MECOM: variants seen among roughly 807,000 people sequenced by gnomAD.
MECOM encodes the protein histone-lysine N-methyltransferase MECOM.
A neutral mutation model predicts 116.3 loss-of-function variants in MECOM; 13 were observed. The observed-to-expected ratio is 0.11, with a 90% CI of 0.07 to 0.18. The LOEUF (loss-of-function observed/expected upper bound fraction) is 0.18. MECOM is among the 10% of genes least tolerant of loss of function. MECOM has a pLI of 1.00. For missense variants in MECOM, 1,299 were observed against 1,509.0 expected (o/e 0.86, Z 2.31); for synonymous variants, 528 against 535.2 (o/e 0.99, Z 0.19).
chr3:169,135,646 C>T (rs774306629), intron 3 of MECOM, among the ~76,000 whole-genome samples: 3 of 152,002 alleles, frequency 2.0e-5, no homozygotes, highest in African/African-American at 4.8e-5. Context: ...AACTCCCATA[C>T]ATCTGAAACT....
intron 2 of MECOM, among the ~76,000 whole-genome samples, chr3:169,339,102 C>G (rs368657549): frequency 6.6e-6 from 1 of 152,060 alleles, no homozygotes; most frequent in South Asian, 2.1e-4. Context: ...TAATGTAGGT[C>G]GTTAGCATCT....
At chr3:169,296,715 A>G (rs1275791311) in intron 2 of MECOM, among the ~76,000 whole-genome samples, 1 of 152,204 alleles carries the variant, frequency 6.6e-6, no homozygotes, top group African/African-American at 2.4e-5. Flanking sequence ...ACAGGAATAG[A>G]CTTGGCACTT....
intron 2 of MECOM, among the ~76,000 whole-genome samples, chr3:169,217,548 G>T (rs1472557794): frequency 6.6e-6 from 1 of 152,088 alleles, no homozygotes; most frequent in Non-Finnish European, 1.5e-5. Context: ...ACTTTGGGAG[G>T]CCAAGGCGGG....
intron 1 of MECOM, among the ~76,000 whole-genome samples, chr3:169,507,449 C>T (rs1755375839): frequency 6.6e-6 from 1 of 152,086 alleles, no homozygotes; most frequent in Admixed American, 6.5e-5. Flanking sequence ...ATACAGCCGT[C>T]CCTCTTAGTA....
chr3:169,484,580 C>T lies in MECOM; in HGVS notation c.38-103056G>A, dbSNP rs181832501. Among the ~76,000 whole-genome samples, 14 of 152,194 alleles carry T rather than the reference C, an allele frequency of 9.2e-5. No individual in the cohort carries two copies. The East Asian group carries it at 2.7e-3, about 29-fold the overall frequency. On this transcript the variant is annotated intron_variant, in intron 1 of 16. Transcript: ENST00000651503. Reference sequence around the variant, plus strand: ...AATTAGCTATTAACTTATATAAACACCTCAAAGAAATTTTAAAGAAAATTT... The same window carrying T: ...AATTAGCTATTAACTTATATAAACATCTCAAAGAAATTTTAAAGAAAATTT...
rs557613767 is a variant in MECOM, at chr3:169,108,120, C to T, written c.2578-168G>A. ...AAATAAAAATTAAATATTGTTATAA[C>T]TCTGTTGAATTTCCTCTGTTTACCT... On this transcript the variant is annotated intron_variant, in intron 9 of 16. Coordinates refer to ENST00000651503, the MANE Select transcript of MECOM (RefSeq NM_004991.4). 2.0e-5 allele frequency among the ~76,000 whole-genome samples: 3 copies of T among 152,222 alleles called. No individual in the cohort carries two copies. In the South Asian group the frequency reaches 6.2e-4, roughly 32 times the overall value.
At position 169,102,185 on chromosome 3, in the gene MECOM, G is replaced by T; in HGVS notation, c.2646C>A (p.Phe882Leu). The T allele has an allele frequency of 1.9e-6, 3 of 1,613,850 alleles. No individual in the cohort carries two copies. Among genetic ancestry groups the T allele is most frequent in the Non-Finnish European group, 2.5e-6 (3 of 1,179,834 alleles). Residue 882 changes from phenylalanine (F) to leucine (L), a missense_variant, in exon 11 of 17, where the codon TTC becomes TTA. By Grantham distance (22) the Phe-to-Leu change is conservative. Transcript: ENST00000651503. ...CACTGGCCTCAGGTTTCAGGGCACTGAAGCTCTCTAGCTTTTCTGCCATGT... is the reference window on the plus strand; with the variant it reads ...CACTGGCCTCAGGTTTCAGGGCACTTAAGCTCTCTAGCTTTTCTGCCATGT... ...IENMAEKLES[F>L]SALKPEASEL... is the part of the protein sequence containing the mutation.
intron 2 of MECOM, among the ~76,000 whole-genome samples, chr3:169,298,082 A>C (rs1453189172): frequency 6.6e-6 from 1 of 152,218 alleles, no homozygotes; most frequent in Non-Finnish European, 1.5e-5. Context: ...CTGAACAAAC[A>C]CATTTCTTTT....
At chr3:169,413,490 A>T (rs73172088) in intron 1 of MECOM, among the ~76,000 whole-genome samples, 16,935 of 133,714 alleles carry the variant, frequency 0.13, 1,262 homozygotes, top group East Asian at 0.36. Context: ...TTTTTTTTTT[A>T]TTTTTTTTTT....
chr3:169,185,210 A>G (rs1025808200), intron 2 of MECOM, among the ~76,000 whole-genome samples: 9 of 152,160 alleles, frequency 5.9e-5, no homozygotes, highest in African/African-American at 2.2e-4. Flanking sequence ...GACCCAGGAG[A>G]ATCAAGGACA....
chr3:169,528,107 G>C (rs539401859), intron 1 of MECOM, among the ~76,000 whole-genome samples: 1 of 152,258 alleles, frequency 6.6e-6, no homozygotes, highest in East Asian at 1.9e-4. Context: ...TCTATTTTCT[G>C]AGCCAAACCC....
intron 1 of MECOM, among the ~76,000 whole-genome samples, chr3:169,522,777 A>C (rs1291499256): frequency 6.6e-6 from 1 of 152,266 alleles, no homozygotes; most frequent in East Asian, 1.9e-4. Flanking sequence ...GTAGATAATC[A>C]ATCTTCTGAT....
chr3:169,628,056 C>T (rs1393632631), intron 1 of MECOM, among the ~76,000 whole-genome samples: 1 of 152,144 alleles, frequency 6.6e-6, no homozygotes, highest in South Asian at 2.1e-4. Context: ...AAGAGCACCC[C>T]CAGAGAGAAC....
At chr3:169,552,660 T>G (rs1761552865) in intron 1 of MECOM, among the ~76,000 whole-genome samples, 1 of 152,032 alleles carries the variant, frequency 6.6e-6, no homozygotes, top group South Asian at 2.1e-4. Flanking sequence ...TAACCACCAT[T>G]CAATCCACCT....
chr3:169,116,005 C>T lies in MECOM; in HGVS notation c.1867G>A (p.Val623Ile). 6.2e-7 allele frequency: 1 copy of T among 1,614,112 alleles called. No individual in the cohort carries two copies. Among genetic ancestry groups the T allele is most frequent in the South Asian group, 1.1e-5 (1 of 91,078 alleles). ...KENGKMFKDK[V>I]SPLQNLASIN... ...GAAGCCAGATTCTGAAGAGGGCTTA[C>T]TTTGTCTTTGAACATTTTACCATTT... The change falls in exon 8 of 17, where the codon GTA (valine) becomes ATA (isoleucine). Residue 623 changes from valine to isoleucine, a missense_variant. Val to Ile is a conservative substitution (Grantham distance 29). Around this residue, in one of 6 missense-constraint regions of MECOM, gnomAD observed 238 missense variants for 273.1 expected, o/e 0.87. Coordinates refer to ENST00000651503, the MANE Select transcript of MECOM (RefSeq NM_004991.4).
chr3:169,115,547 T>C lies in MECOM; in HGVS notation c.2325A>G (p.Leu775=). The C allele has an allele frequency of 6.2e-7, 1 of 1,614,144 alleles. No individual in the cohort carries two copies. The highest frequency in any genetic ancestry group is 2.2e-5 in the East Asian group (1 of 44,884). The change falls in exon 8 of 17, where the codon CTA becomes CTG. Residue 775 remains leucine, a synonymous_variant. Coordinates refer to ENST00000651503, the MANE Select transcript of MECOM (RefSeq NM_004991.4). ...TGGCTCTACTCCTACTGCCCATACTTAGATCCAGGGGCTGGTCTTGGCTTG... is the reference window on the plus strand; with the variant it reads ...TGGCTCTACTCCTACTGCCCATACTCAGATCCAGGGGCTGGTCTTGGCTTG... ...PATSQDQPLD[L]SMGSRSRASG...
intron 2 of MECOM, among the ~76,000 whole-genome samples, chr3:169,243,676 G>A (rs1407025552): frequency 6.6e-6 from 1 of 152,070 alleles, no homozygotes; most frequent in Non-Finnish European, 1.5e-5. Flanking sequence ...TAGAGCGTTT[G>A]AGTCCCAGAC....
intron 1 of MECOM, among the ~76,000 whole-genome samples, chr3:169,446,341 G>T (rs899135301): frequency 1.3e-5 from 2 of 152,130 alleles, no homozygotes; most frequent in African/African-American, 2.4e-5. Context: ...TATGTCTCAC[G>T]AGATCTGATG....
chr3:169,180,750 T>C (rs1424567491), intron 2 of MECOM, among the ~76,000 whole-genome samples: 1 of 138,356 alleles, frequency 7.2e-6, no homozygotes, highest in African/African-American at 2.6e-5. Flanking sequence ...TTTTCTGAGA[T>C]CCTTTCCAGT....
Sources: gnomAD v4.1 joint callset for allele counts (sites outside exome capture counted in the v4.1 genomes callset) on GRCh38, gnomAD v4.1.1 for gene constraint, gnomAD v4.1.1 regional missense constraint, MANE v1.5 for transcripts, NCBI Gene and HGNC (gene_info 2026-07-23, HGNC 2026-07-21) for gene names.